DTNB: variants seen among roughly 807,000 people sequenced by gnomAD.
DTNB encodes the protein dystrobrevin beta, also known as DTN-B.
Under a neutral mutation model 90.7 loss-of-function variants are expected in DTNB, and 63 were observed. That is an observed-to-expected ratio of 0.69 (90% CI 0.57 to 0.86). The LOEUF (loss-of-function observed/expected upper bound fraction) is 0.86. Ranked by LOEUF, DTNB falls within the 40% of genes least tolerant of loss-of-function variation. The probability of loss-of-function intolerance (pLI) is 0.00; values close to 1 mark genes in which losing one functional copy is unlikely to be tolerated. For synonymous variants in DTNB, 277 were observed against 286.7 expected, an observed-to-expected ratio of 0.97 and a Z score of 0.34; for missense variants, 744 against 807.1, an observed-to-expected ratio of 0.92 and a Z score of 0.95.
rs754341261 is a variant in DTNB, at chr2:25,580,813, A to T, written c.617T>A (p.Leu206Gln). 1.2e-6 allele frequency: 2 copies of T among 1,612,718 alleles called. No homozygotes were observed. The highest frequency in any genetic ancestry group is 1.7e-6 in the Non-Finnish European group (2 of 1,179,106). Reference sequence around the variant, plus strand: ...CATCATTGTGTCTAAAAACATATTTAGCATTATCTTTCTCTGTAAAGAGAA... The same window carrying T: ...CATCATTGTGTCTAAAAACATATTTTGCATTATCTTTCTCTGTAAAGAGAA... ...TCFPQQRKIM[L>Q]NMFLDTMMAD... Residue 206 changes from leucine to glutamine, a missense_variant, in exon 7 of 21, where the codon CTA becomes CAA. Physicochemically the swap from Leu to Gln is moderately radical, Grantham distance 113 (BLOSUM62 -2). Coordinates refer to ENST00000406818, the MANE Select transcript of DTNB (RefSeq NM_021907.5).
At chr2:25,463,239 A>G (rs1395366369) in intron 10 of DTNB, among the ~76,000 whole-genome samples, 2 of 152,166 alleles carry the variant, frequency 1.3e-5, no homozygotes, top group African/African-American at 2.4e-5. Flanking sequence ...AAATGGCATC[A>G]CTATACCCAG....
chr2:25,610,989 C>T (rs2068476938), intron 4 of DTNB, among the ~76,000 whole-genome samples: 2 of 152,308 alleles, frequency 1.3e-5, no homozygotes, highest in Middle Eastern at 3.4e-3. Context: ...GGATTGCAGG[C>T]GTGAGCCACT....
chr2:25,451,321 G>C (rs1157707406), intron 12 of DTNB, among the ~76,000 whole-genome samples: 1 of 152,094 alleles, frequency 6.6e-6, no homozygotes, highest in Non-Finnish European at 1.5e-5. Flanking sequence ...CAATATTAGG[G>C]GGAAATATTT....
At chr2:25,579,976 CTTTTTTTTTTTTTTT>C (rs59639406) in intron 7 of DTNB, among the ~76,000 whole-genome samples, 5 of 52,968 alleles carry the variant, frequency 9.4e-5, no homozygotes, top group African/African-American at 3.8e-4. Context: ...AGTATCCTTT[CTTTTTTTTTTTTTTT>C]TTTTTTTTTG....
At chr2:25,395,280 C>T (rs2042100876) in intron 16 of DTNB, among the ~76,000 whole-genome samples, 1 of 152,054 alleles carries the variant, frequency 6.6e-6, no homozygotes, top group African/African-American at 2.4e-5. Context: ...GTACAGTGTA[C>T]ACTGCTTGGA....
At chr2:25,404,081 C>A (rs568059979) in intron 16 of DTNB, among the ~76,000 whole-genome samples, 1 of 152,284 alleles carries the variant, frequency 6.6e-6, no homozygotes, top group South Asian at 2.1e-4. Context: ...TCATGAAACA[C>A]CCCCCACACT....
At chr2:25,542,933 C>T (rs922902770) in intron 8 of DTNB, among the ~76,000 whole-genome samples, 2 of 152,016 alleles carry the variant, frequency 1.3e-5, no homozygotes, top group African/African-American at 4.8e-5. Flanking sequence ...AATGTGCAAT[C>T]ATTCATTGCT....
Position 25,427,560 on chromosome 2 carries a change from A to G in DTNB, c.1529T>C (p.Leu510Pro). Residue 510 changes from leucine (L) to proline (P), a missense_variant, in exon 15 of 21, where the codon CTG becomes CCG. By Grantham distance (98) the Leu-to-Pro change is moderately conservative. Transcript: ENST00000406818. ...CTTCAGCAACTTCATCAGCTCTTCC[A>G]GCTGGACCATCAGCTCCCGCCTGCT... ...QESRRELMVQ[L>P]EELMKLLKEE... 6.2e-7 allele frequency: 1 copy of G among 1,613,864 alleles called. No homozygotes were observed. The highest frequency in any genetic ancestry group is 1.1e-5 in the South Asian group (1 of 91,080).
At chr2:25,377,839 T>G (rs1205356487) in intron 20 of DTNB, among the ~76,000 whole-genome samples, 1 of 152,062 alleles carries the variant, frequency 6.6e-6, no homozygotes, top group African/African-American at 2.4e-5. Context: ...AGGACTGAGG[T>G]GTGCCGATGA....
intron 18 of DTNB, among the ~76,000 whole-genome samples, chr2:25,384,416 C>T (rs929619542): frequency 2.6e-5 from 4 of 152,146 alleles, no homozygotes; most frequent in African/African-American, 9.7e-5. Context: ...AGGGGACACT[C>T]AAGAGGGTCA....
intron 5 of DTNB, among the ~76,000 whole-genome samples, chr2:25,603,502 A>G (rs1377189634): frequency 6.6e-6 from 1 of 152,238 alleles, no homozygotes; most frequent in African/African-American, 2.4e-5. Flanking sequence ...GACAAATCTG[A>G]AAAATCTAAG....
chr2:25,474,284 T>C (rs2063347850), intron 10 of DTNB, among the ~76,000 whole-genome samples: 1 of 146,198 alleles, frequency 6.8e-6, no homozygotes, highest in African/African-American at 2.4e-5. Context: ...TTACTCTGCT[T>C]TTCTGTCTTA....
chr2:25,568,147 ACTC>A (rs2059315012), intron 8 of DTNB, among the ~76,000 whole-genome samples: 2 of 148,980 alleles, frequency 1.3e-5, no homozygotes, highest in African/African-American at 5.1e-5. Context: ...ACACAGGGAG[ACTC>A]CGTCTCAAAA....
chr2:25,529,145 C>T (rs1409526376), intron 9 of DTNB, among the ~76,000 whole-genome samples: 1 of 152,152 alleles, frequency 6.6e-6, no homozygotes, highest in African/African-American at 2.4e-5. Flanking sequence ...GAGATATTGG[C>T]ATAGGGATGG....
At chr2:25,442,357 T>C (rs1270834307) in intron 12 of DTNB, among the ~76,000 whole-genome samples, 2 of 152,210 alleles carry the variant, frequency 1.3e-5, no homozygotes, top group Non-Finnish European at 2.9e-5. Context: ...TGGTCAGTGG[T>C]TATCAAACTT....
intron 12 of DTNB, among the ~76,000 whole-genome samples, chr2:25,447,499 C>CTTTTTTTT (rs34508984): frequency 8.6e-6 from 1 of 116,024 alleles, no homozygotes; most frequent in Non-Finnish European, 1.8e-5. Flanking sequence ...AGCTAGTTAT[C>CTTTTTTTT]TTTTTTTTTT....
intron 9 of DTNB, among the ~76,000 whole-genome samples, chr2:25,523,641 CAA>C (rs763301694): frequency 3.5e-4 from 32 of 92,216 alleles, no homozygotes; most frequent in Admixed American, 6.0e-4. Flanking sequence ...ACTCTGTCTC[CAA>C]AAAAAAAAAA....
chr2:25,524,029 GTAGC>G (rs2076644517), intron 9 of DTNB, among the ~76,000 whole-genome samples: 1 of 151,402 alleles, frequency 6.6e-6, no homozygotes, highest in African/African-American at 2.4e-5. Context: ...AGCCTCCCGA[GTAGC>G]TGGGATTACA....
intron 4 of DTNB, among the ~76,000 whole-genome samples, chr2:25,627,527 A>G (rs553942455): frequency 6.6e-6 from 1 of 152,270 alleles, no homozygotes; most frequent in East Asian, 1.9e-4. Context: ...GGAGACTTAG[A>G]AGTCAAATAG....
Sources: gnomAD v4.1 joint callset for allele counts (sites outside exome capture counted in the v4.1 genomes callset) on GRCh38, gnomAD v4.1.1 for gene constraint, MANE v1.5 for transcripts, NCBI Gene and HGNC (gene_info 2026-07-23, HGNC 2026-07-21) for gene names.